The following ZRANB3 variants were observed in gnomAD, a reference collection of about 807,000 sequenced individuals.
The protein encoded by ZRANB3 is DNA annealing helicase and endonuclease ZRANB3.
A neutral mutation model predicts 133.8 loss-of-function variants in ZRANB3; 125 were observed. The ratio of observed to expected loss-of-function variants is 0.93; its 90% CI spans 0.81 to 1.08. The LOEUF (loss-of-function observed/expected upper bound fraction) is 1.08, where lower values mean the gene tolerates loss of function less well. Ranked by LOEUF, ZRANB3 falls within the 50% of genes least tolerant of loss-of-function variation. The pLI, the probability that ZRANB3 is intolerant of heterozygous loss-of-function variation, is 0.00. For missense variants in ZRANB3, 1,229 were observed against 1,275.5 expected (o/e 0.96, Z 0.56); for synonymous variants, 387 against 432.7 (o/e 0.89, Z 1.31).
chr2:135,211,567 C>T (rs192573503), intron 17 of ZRANB3, among the ~76,000 whole-genome samples: 19 of 152,112 alleles, frequency 1.2e-4, no homozygotes, highest in Admixed American at 1.0e-3. Flanking sequence ...AAAAGAAACC[C>T]GTACCCACTA....
intron 12 of ZRANB3, among the ~76,000 whole-genome samples, chr2:135,241,996 G>A (rs564740668): frequency 2.0e-5 from 3 of 151,936 alleles, no homozygotes; most frequent in Non-Finnish European, 4.4e-5. Context: ...CCTAGCCAAC[G>A]TGGTCAAACC....
chr2:135,385,909 T>C (rs1686949421), intron 3 of ZRANB3, among the ~76,000 whole-genome samples: 1 of 152,090 alleles, frequency 6.6e-6, no homozygotes, highest in African/African-American at 2.4e-5. Context: ...ACCTAGGCAA[T>C]ACCATTCAGG....
chr2:135,305,632 T>C (rs1250262294), intron 8 of ZRANB3, among the ~76,000 whole-genome samples: 1 of 152,232 alleles, frequency 6.6e-6, no homozygotes, highest in East Asian at 1.9e-4. Flanking sequence ...TAGTAACATT[T>C]GAGTCCTTTC....
chr2:135,484,618 T>C (rs1692006730), intron 2 of ZRANB3, among the ~76,000 whole-genome samples: 2 of 151,066 alleles, frequency 1.3e-5, no homozygotes, highest in African/African-American at 2.4e-5. Context: ...TTGGGAGAAA[T>C]CTAAAAATCT....
intron 12 of ZRANB3, among the ~76,000 whole-genome samples, chr2:135,245,840 C>T (rs1410383054): frequency 2.9e-5 from 4 of 136,496 alleles, no homozygotes; most frequent in East Asian, 5.0e-4. Flanking sequence ...GCAGGAGAAT[C>T]GCTTGAACCT....
intron 12 of ZRANB3, among the ~76,000 whole-genome samples, chr2:135,231,235 A>G (rs1355270684): frequency 6.6e-6 from 1 of 152,190 alleles, no homozygotes; most frequent in Non-Finnish European, 1.5e-5. Context: ...TTATTATAAC[A>G]TTTCGGAAGA....
In ZRANB3 at chr2:135,219,175, C is replaced by T; in HGVS notation, c.2254G>A (p.Gly752Arg). The T allele has an allele frequency of 6.6e-7, 1 of 1,517,126 alleles. No individual in the cohort carries two copies. Among genetic ancestry groups the T allele is most frequent in the Non-Finnish European group, 8.8e-7 (1 of 1,138,482 alleles). The allele number at this position is 1,517,126 out of a possible 1,614,324, so 94.0% of individuals were successfully genotyped here. A position where few individuals can be genotyped will look rare whatever the true frequency, so the allele number is the denominator to read the frequency against. Reference sequence around the variant, plus strand: ...ATGAAATTACAGCTCATCTGTTTTCCATCCTGATGATAGATTAGGAAGACA... The same window carrying T: ...ATGAAATTACAGCTCATCTGTTTTCTATCCTGATGATAGATTAGGAAGACA... ...TDRIHIYTKD[G>R]KQMSCNFIPL... is the part of the protein sequence containing the mutation. The change falls in exon 16 of 21, where the codon GGA (glycine) becomes AGA (arginine). Residue 752 changes from glycine to arginine, a missense_variant. Transcript: ENST00000264159.
chr2:135,417,102 T>A (rs1252248349), intron 2 of ZRANB3, among the ~76,000 whole-genome samples: 1 of 151,986 alleles, frequency 6.6e-6, no homozygotes, highest in Admixed American at 6.6e-5. Flanking sequence ...AAGCCAAAAT[T>A]GACAAATGGG....
At position 135,219,180 on chromosome 2, in the gene ZRANB3, T is replaced by C. The variant is rs1694434821; in HGVS notation, c.2251-2A>G. The C allele has an allele frequency of 1.3e-6, 2 of 1,510,458 alleles. No homozygotes were observed. Among genetic ancestry groups the C allele is most frequent in the African/African-American group, 2.8e-5 (2 of 70,562 alleles). 93.6% of individuals were successfully genotyped at this position (1,510,458 alleles called of 1,614,324 possible). On this transcript the variant is annotated splice_acceptor_variant, in intron 15 of 20. Transcript: ENST00000264159. LOFTEE classifies it high-confidence loss of function. Reference sequence around the variant, plus strand: ...ATTACAGCTCATCTGTTTTCCATCCTGATGATAGATTAGGAAGACACTAAT... The same window carrying C: ...ATTACAGCTCATCTGTTTTCCATCCCGATGATAGATTAGGAAGACACTAAT...
At chr2:135,223,762 A>C (rs1184932619) in intron 15 of ZRANB3, among the ~76,000 whole-genome samples, 1 of 152,200 alleles carries the variant, frequency 6.6e-6, no homozygotes, top group African/African-American at 2.4e-5. Context: ...GAATCTAAAA[A>C]GTTTGGGCAC....
chr2:135,414,150 C>T (rs1182001740), intron 2 of ZRANB3, among the ~76,000 whole-genome samples: 1 of 152,062 alleles, frequency 6.6e-6, no homozygotes, highest in Non-Finnish European at 1.5e-5. Flanking sequence ...TTAAAAGACA[C>T]AGACTGGCAA....
At chr2:135,232,113 G>C (rs1004092458) in intron 12 of ZRANB3, among the ~76,000 whole-genome samples, 1 of 152,192 alleles carries the variant, frequency 6.6e-6, no homozygotes, top group African/African-American at 2.4e-5. Context: ...CTTTTCCAAC[G>C]GTCTTAGCAA....
intron 6 of ZRANB3, among the ~76,000 whole-genome samples, chr2:135,317,933 C>G (rs565146505): frequency 1.3e-5 from 2 of 152,064 alleles, no homozygotes; most frequent in Non-Finnish European, 2.9e-5. Context: ...ACACATTTGC[C>G]AAAACCCCAG....
chr2:135,318,826 T>C (rs952773874), intron 6 of ZRANB3, among the ~76,000 whole-genome samples: 3 of 152,200 alleles, frequency 2.0e-5, no homozygotes, highest in Non-Finnish European at 4.4e-5. Context: ...TCCCACTTCA[T>C]AGCATTGGTC....
At chr2:135,416,647 C>T (rs964239224) in intron 2 of ZRANB3, among the ~76,000 whole-genome samples, 1 of 150,166 alleles carries the variant, frequency 6.7e-6, no homozygotes, top group African/African-American at 2.4e-5. Flanking sequence ...GCCCGCATCG[C>T]CAAGTCAATC....
intron 3 of ZRANB3, among the ~76,000 whole-genome samples, chr2:135,355,673 T>C (rs1390782043): frequency 6.6e-6 from 1 of 152,104 alleles, no homozygotes; most frequent in East Asian, 1.9e-4. Flanking sequence ...TACAGATCTT[T>C]ACCTGGCTAG....
At chr2:135,404,138 A>G (rs1016997701) in intron 2 of ZRANB3, among the ~76,000 whole-genome samples, 3 of 152,228 alleles carry the variant, frequency 2.0e-5, no homozygotes, top group Non-Finnish European at 2.9e-5. Flanking sequence ...AAGGCTTCAG[A>G]TGATCAAACT....
intron 12 of ZRANB3, among the ~76,000 whole-genome samples, chr2:135,235,289 T>C (rs1573729069): frequency 1.3e-5 from 2 of 152,170 alleles, no homozygotes; most frequent in East Asian, 3.8e-4. Context: ...ATTGAGGCAA[T>C]AATTAATAGC....
chr2:135,481,276 G>A (rs1277159603), intron 2 of ZRANB3, among the ~76,000 whole-genome samples: 1 of 151,060 alleles, frequency 6.6e-6, no homozygotes, highest in Non-Finnish European at 1.5e-5. Context: ...TCCAGCACCT[G>A]TTGTTTCCTG....
Sources: gnomAD v4.1 joint callset for allele counts (sites outside exome capture counted in the v4.1 genomes callset) on GRCh38, gnomAD v4.1.1 for gene constraint, MANE v1.5 for transcripts, NCBI Gene and HGNC (gene_info 2026-07-23, HGNC 2026-07-21) for gene names.